The following CLEC2D variants were observed in gnomAD, a reference collection of about 807,000 sequenced individuals.
CLEC2D encodes C-type lectin related f.
Under a neutral mutation model 20.0 loss-of-function variants are expected in CLEC2D, and 16 were observed. The observed-to-expected ratio is 0.80, with a 90% CI of 0.54 to 1.22. CLEC2D has a LOEUF of 1.22. CLEC2D is among the 50% of genes most tolerant of loss of function. The pLI, the probability that CLEC2D is intolerant of heterozygous loss-of-function variation, is 0.00. For missense variants in CLEC2D, 207 were observed against 221.5 expected (o/e 0.93, Z 0.42); for synonymous variants, 77 against 71.1 (o/e 1.08, Z -0.42).
At chr12:9,677,190 G>A (rs1040288881) in intron 1 of CLEC2D, among the ~76,000 whole-genome samples, 9 of 151,642 alleles carry the variant, frequency 5.9e-5, no homozygotes, top group African/African-American at 2.2e-4. Context: ...GTTTCCTAAG[G>A]TGTAAACTTA....
In CLEC2D at chr12:9,687,514, A is replaced by G. The variant is rs771907990; in HGVS notation, c.173-388A>G. ...ATGGACCAGTACTGATCCATGGCCT[A>G]GGGGTTGGGGACCCCTAATCTAGAG... On this transcript the variant is annotated intron_variant, in intron 2 of 4. Coordinates refer to ENST00000290855, the MANE Select transcript of CLEC2D (RefSeq NM_013269.6). 2.0e-5 allele frequency among the ~76,000 whole-genome samples: 3 copies of G among 152,298 alleles called. No individual in the cohort carries two copies. In the East Asian group the frequency reaches 5.8e-4, roughly 29 times the overall value.
At chr12:9,677,712 T>C (rs1865551937) in intron 1 of CLEC2D, among the ~76,000 whole-genome samples, 1 of 146,566 alleles carries the variant, frequency 6.8e-6, no homozygotes, top group Non-Finnish European at 1.5e-5. Context: ...TCTTTCTTTT[T>C]TTTTTTTTTT....
In CLEC2D at chr12:9,695,458, C is replaced by T. The variant is rs1210063798; in HGVS notation, c.*584C>T. On this transcript the variant is annotated 3_prime_UTR_variant, in exon 5 of 5. Coordinates refer to ENST00000290855, the MANE Select transcript of CLEC2D (RefSeq NM_013269.6). ...ATCTTTTCAGTTGTGAACTAAAGGC[C>T]GACAAAGATGATCACTTTAAGGTGG... 8.2e-6 allele frequency: 11 copies of T among 1,334,796 alleles called. No homozygotes were observed. Among genetic ancestry groups the T allele is most frequent in the African/African-American group, 2.9e-5 (2 of 68,028 alleles). 82.7% of individuals were successfully genotyped at this position (1,334,796 alleles called of 1,614,324 possible). A position where few individuals can be genotyped will look rare whatever the true frequency, so the allele number is the denominator to read the frequency against.
intron 2 of CLEC2D, among the ~76,000 whole-genome samples, chr12:9,686,849 A>T (rs7302498): frequency 6.6e-6 from 1 of 152,168 alleles, no homozygotes; most frequent in East Asian, 1.9e-4. Flanking sequence ...AACCTCACTA[A>T]ATCTCCTTAG....
At chr12:9,692,952 A>AG (rs759992812) in intron 4 of CLEC2D, 21 bp downstream of exon 4, 2 of 1,601,646 alleles carry the variant, frequency 1.2e-6, no homozygotes, top group Non-Finnish European at 1.7e-6. Context: ...AAAATCTGGC[A>AG]GTAATATTTG....
At chr12:9,686,634 G>A (rs760007827) in intron 2 of CLEC2D, among the ~76,000 whole-genome samples, 2 of 152,152 alleles carry the variant, frequency 1.3e-5, no homozygotes, top group Non-Finnish European at 2.9e-5. Flanking sequence ...GTCTATCATA[G>A]ACACTTTCAG....
chr12:9,694,004 G>T (rs1323602394), intron 4 of CLEC2D: 3 of 285,586 alleles, frequency 1.1e-5, no homozygotes, highest in African/African-American at 7.5e-5. Flanking sequence ...TTCAGCGATG[G>T]GGTCTCACTA....
chr12:9,691,751 A>G (rs1363608629), intron 3 of CLEC2D, among the ~76,000 whole-genome samples: 1 of 152,198 alleles, frequency 6.6e-6, no homozygotes, highest in African/African-American at 2.4e-5. Flanking sequence ...TACACTGAAC[A>G]TAGTTCTAAG....
chr12:9,676,481 A>G (rs1374588877), intron 1 of CLEC2D, among the ~76,000 whole-genome samples: 2 of 152,092 alleles, frequency 1.3e-5, no homozygotes, highest in Non-Finnish European at 2.9e-5. Flanking sequence ...ACATTAATTG[A>G]TTTTTGAATG....
In CLEC2D at chr12:9,696,453, G is replaced by A; in HGVS notation, c.*1579G>A. 2.3e-6 allele frequency: 1 copy of A among 427,014 alleles called. No homozygotes were observed. The highest frequency in any genetic ancestry group is 4.3e-6 in the Non-Finnish European group (1 of 230,482). The allele number at this position is 427,014 out of a possible 1,614,324, so 26.5% of individuals were successfully genotyped here. On this transcript the variant is annotated 3_prime_UTR_variant, in exon 5 of 5. Coordinates refer to ENST00000290855, the MANE Select transcript of CLEC2D (RefSeq NM_013269.6). ...GCTTGGTTTTAAGTATGTATGGGAT[G>A]CTATGATAGGACATAGTAGTAGCAG... is the stretch of plus-strand genomic sequence containing the variant.
chr12:9,693,123 AGACT>A, intron 4 of CLEC2D, 192 bp downstream of exon 4: 1 of 1,601,764 alleles, frequency 6.2e-7, no homozygotes, highest in Middle Eastern at 1.7e-4. Flanking sequence ...ATGGTGAGGT[AGACT>A]GACTGTGAAC....
chr12:9,680,568 A>G (rs1437800842), intron 1 of CLEC2D, among the ~76,000 whole-genome samples: 1 of 152,204 alleles, frequency 6.6e-6, no homozygotes, highest in African/African-American at 2.4e-5. Context: ...TCCTCTTAAT[A>G]TCATTTAAAA....
At chr12:9,692,254 G>A (rs761543860) in intron 3 of CLEC2D, among the ~76,000 whole-genome samples, 10 of 152,098 alleles carry the variant, frequency 6.6e-5, no homozygotes, top group Non-Finnish European at 1.2e-4. Flanking sequence ...TCATGCCTCA[G>A]CCTCCCAAAT....
rs1381524448 is a variant in CLEC2D at position 9,690,898 on chromosome 12, T to C, written c.358-1930T>C. On this transcript the variant is annotated intron_variant, in intron 3 of 4. Coordinates refer to ENST00000290855, the MANE Select transcript of CLEC2D (RefSeq NM_013269.6). ...GATTAAATGGCAAAAGTAAATCTTG[T>C]TTTAGTAATCACATTAAATAGAAAA... is the stretch of plus-strand genomic sequence containing the variant. 2.0e-5 allele frequency among the ~76,000 whole-genome samples: 3 copies of C among 152,118 alleles called. No individual in the cohort carries two copies. In the East Asian group the frequency reaches 5.8e-4, roughly 29 times the overall value.
At position 9,699,249 on chromosome 12, in the gene CLEC2D, TA is replaced by T; in HGVS notation, c.*4376del. On this transcript the variant is annotated 3_prime_UTR_variant, in exon 5 of 5. Transcript: ENST00000290855. ...CTCTGATTCTCTGCATGCATTTTTA[TA>T]GATTTGTTTGCCATTTATCCTATTA... 1 of 152,344 alleles carries T rather than the reference TA, an allele frequency of 6.6e-6. No homozygotes were observed. The highest frequency in any genetic ancestry group is 1.5e-5 in the Non-Finnish European group (1 of 68,024). 9.4% of individuals were successfully genotyped at this position (152,344 alleles called of 1,614,324 possible). A position where few individuals can be genotyped will look rare whatever the true frequency, so the allele number is the denominator to read the frequency against.
Position 9,695,306 on chromosome 12 carries a change from C to A in CLEC2D, c.*432C>A. The A allele has an allele frequency of 1.3e-6, 1 of 776,876 alleles. No individual in the cohort carries two copies. The highest frequency in any genetic ancestry group is 2.3e-6 in the Non-Finnish European group (1 of 443,432). 48.1% of individuals were successfully genotyped at this position (776,876 alleles called of 1,614,324 possible). On this transcript the variant is annotated 3_prime_UTR_variant, in exon 5 of 5. Coordinates refer to ENST00000290855, the MANE Select transcript of CLEC2D (RefSeq NM_013269.6). ...TGGGGCTCCCTGGTGTGATTCCGTC[C>A]TGCGCGGCTGTTCTCTGGAGCAGCA...
chr12:9,677,808 A>G (rs1865555700), intron 1 of CLEC2D, among the ~76,000 whole-genome samples: 1 of 149,694 alleles, frequency 6.7e-6, no homozygotes, highest in African/African-American at 2.5e-5. Context: ...CATTTCAACC[A>G]CTGCTTCCCG....
chr12:9,675,952 T>C (rs1246348065), intron 1 of CLEC2D, among the ~76,000 whole-genome samples: 3 of 152,250 alleles, frequency 2.0e-5, no homozygotes, highest in Non-Finnish European at 4.4e-5. Context: ...TTCTGGCATA[T>C]AGAAAAGTGA....
chr12:9,685,879 G>A (rs754019622), intron 2 of CLEC2D, among the ~76,000 whole-genome samples: 14 of 152,114 alleles, frequency 9.2e-5, no homozygotes, highest in Non-Finnish European at 1.8e-4. Context: ...TGTCTCAGTG[G>A]GTTCCAGGCT....
Sources: allele counts gnomAD v4.1 joint callset (sites outside exome capture counted in the v4.1 genomes callset), GRCh38; gene constraint gnomAD v4.1.1; transcripts MANE v1.5; gene names NCBI Gene and HGNC (gene_info 2026-07-23, HGNC 2026-07-21).